Variants in MYO7B observed in about 807,000 individuals in gnomAD.
MYO7B encodes myosin VIIB, also known as unconventional myosin-VIIb.
MYO7B carries 212 observed loss-of-function variants against 259.7 expected under a neutral mutation model. The ratio of observed to expected loss-of-function variants is 0.82; its 90% CI spans 0.73 to 0.91. The LOEUF (loss-of-function observed/expected upper bound fraction) is 0.91. Ranked by LOEUF, MYO7B falls within the 40% of genes least tolerant of loss-of-function variation. The probability of loss-of-function intolerance (pLI) is 0.00; values close to 1 mark genes in which losing one functional copy is unlikely to be tolerated. For missense variants in MYO7B, 2,732 were observed against 2,813.5 expected, an observed-to-expected ratio of 0.97 and a Z score of 0.66; for synonymous variants, 1,197 against 1,166.4, an observed-to-expected ratio of 1.03 and a Z score of -0.54.
At chr2:127,575,458 T>C (rs997870030) in intron 7 of MYO7B, among the ~76,000 whole-genome samples, 1 of 151,860 alleles carries the variant, frequency 6.6e-6, no homozygotes, top group African/African-American at 2.4e-5. Context: ...AATTACGGCA[T>C]ATCTATACTA....
At position 127,607,177 on chromosome 2, in the gene MYO7B, CT is replaced by C. The variant is rs1558830916; in HGVS notation, c.2425-28del. On this transcript the variant is annotated intron_variant, in intron 20 of 47. Transcript: ENST00000409816. This position sits in a 1 kb window ranked among gnomAD's most constrained non-coding sequence, Gnocchi z 4.4. ...TTTCCTGGGGAAGGCCTTCTTGCCC[CT>C]GATCTCACCTCTCTCTTGCCTCCGC... 2 of 1,532,132 alleles carry C rather than the reference CT, an allele frequency of 1.3e-6. No individual in the cohort carries two copies. Among genetic ancestry groups the C allele is most frequent in the African/African-American group, 2.8e-5 (2 of 72,694 alleles). 94.9% of individuals were successfully genotyped at this position (1,532,132 alleles called of 1,614,324 possible). A position where few individuals can be genotyped will look rare whatever the true frequency, so the allele number is the denominator to read the frequency against.
intron 27 of MYO7B, among the ~76,000 whole-genome samples, chr2:127,621,310 C>T (rs544906476): frequency 4.4e-4 from 65 of 146,320 alleles, no homozygotes; most frequent in Admixed American, 4.1e-3. Context: ...GTCGCCCAGG[C>T]CAGAGTGCAG....
chr2:127,600,744 C>A (rs1244362465), intron 19 of MYO7B, among the ~76,000 whole-genome samples: 1 of 152,162 alleles, frequency 6.6e-6, no homozygotes, highest in East Asian at 1.9e-4. Context: ...AAAAAACATT[C>A]TTGTCCTTTT....
intron 6 of MYO7B, among the ~76,000 whole-genome samples, chr2:127,571,801 G>A (rs915902694): frequency 2.6e-5 from 4 of 152,196 alleles, no homozygotes; most frequent in South Asian, 4.1e-4. Flanking sequence ...TTAAGAGTTC[G>A]TTCTGTGTTC....
At chr2:127,629,902 G>A in intron 35 of MYO7B, 76 bp downstream of exon 35, 1 of 1,419,410 alleles carries the variant, frequency 7.0e-7, no homozygotes, top group South Asian at 1.6e-5. Flanking sequence ...GCCTAGTTGG[G>A]AGGCCTAGCT....
intron 12 of MYO7B, 140 bp downstream of exon 12, chr2:127,582,586 TG>T: frequency 9.8e-7 from 1 of 1,023,632 alleles, no homozygotes; most frequent in Non-Finnish European, 1.4e-6. Context: ...GTGCTCTGCA[TG>T]GGGTGGCTGC....
At position 127,636,480 on chromosome 2, in the gene MYO7B, A is replaced by G. The variant is rs1280908162; in HGVS notation, c.6124-65A>G. The G allele has an allele frequency of 6.6e-7, 1 of 1,512,460 alleles. No homozygotes were observed. The highest frequency in any genetic ancestry group is 9.1e-7 in the Non-Finnish European group (1 of 1,104,238). 93.7% of individuals were successfully genotyped at this position (1,512,460 alleles called of 1,614,324 possible). ...TGTGTATGTGCGTGTGGCCTAGATG[A>G]GCTCCTGGGAGGTGCAGCCTGGCCT... On this transcript the variant is annotated intron_variant, in intron 45 of 47. Transcript: ENST00000409816. This position sits in a 1 kb window ranked among gnomAD's most constrained non-coding sequence, Gnocchi z 4.5.
chr2:127,584,943 C>T lies in MYO7B; in HGVS notation c.1690+30C>T. The stretch of plus-strand genomic sequence containing the variant: ...GTGCAGCTCTCCTCTCATGTCCCTT[C>T]CAAATCTGGACCGGGTTCCAGGGAG... On this transcript the variant is annotated intron_variant, in intron 14 of 47. Coordinates refer to ENST00000409816, the MANE Select transcript of MYO7B (RefSeq NM_001393586.1). The surrounding 1 kb of genome is among the most constrained non-coding windows in gnomAD (Gnocchi z 5.8). 6.2e-7 allele frequency: 1 copy of T among 1,611,720 alleles called. No individual in the cohort carries two copies. The highest frequency in any genetic ancestry group is 8.5e-7 in the Non-Finnish European group (1 of 1,178,584).
rs759078994 is a variant in MYO7B at position 127,624,180 on chromosome 2, C to T, written c.3907C>T (p.Arg1303Cys). The T allele has an allele frequency of 4.1e-5, 66 of 1,597,112 alleles. No individual in the cohort carries two copies. Among genetic ancestry groups the T allele is most frequent in the African/African-American group, 9.4e-5 (7 of 74,676 alleles). Residue 1303 changes from arginine to cysteine, a missense_variant, in exon 30 of 48, where the codon CGC becomes TGC. Physicochemically the swap from Arg to Cys is radical, Grantham distance 180. This residue lies in a region of MYO7B where 1,906 missense variants were observed against 2,026.4 expected (regional missense o/e 0.94). Transcript: ENST00000409816. The part of the protein sequence containing the change: ...QMAQERGESQ[R>C]QSPWRIYFRK... ...GGCCCAGGAGAGGGGCGAGAGCCAG[C>T]GCCAGTCACCCTGGCGCATCTACTT... is the stretch of plus-strand genomic sequence containing the variant.
In MYO7B at chr2:127,574,149, C is replaced by T. The variant is rs549482864; in HGVS notation, c.735+87C>T. The T allele has an allele frequency of 1.2e-4, 180 of 1,535,064 alleles. No homozygotes were observed. In the South Asian group the frequency reaches 1.9e-3, roughly 16 times the overall value. The stretch of plus-strand genomic sequence containing the variant: ...CCCTTTCCCACTCTCACCTCTCCTC[C>T]CCTCTTCCCCAAGGGCCCTCCCAGA... On this transcript the variant is annotated intron_variant, in intron 7 of 47. Transcript: ENST00000409816.
At chr2:127,637,194 C>T (rs749003632) in intron 47 of MYO7B, 122 bp from the exon 48 acceptor site, 21 of 912,618 alleles carry the variant, frequency 2.3e-5, no homozygotes, top group Admixed American at 8.0e-5. Flanking sequence ...GGCAGGAGCC[C>T]GCCTTCCCTT....
At position 127,624,374 on chromosome 2, in the gene MYO7B, C is replaced by T. The variant is rs1171448052; in HGVS notation, c.4047+54C>T. 3.3e-6 allele frequency: 5 copies of T among 1,492,750 alleles called. No individual in the cohort carries two copies. In the East Asian group the frequency reaches 1.2e-4, roughly 37 times the overall value. 92.5% of individuals were successfully genotyped at this position (1,492,750 alleles called of 1,614,324 possible). A position where few individuals can be genotyped will look rare whatever the true frequency, so the allele number is the denominator to read the frequency against. On this transcript the variant is annotated intron_variant, in intron 30 of 47. Transcript: ENST00000409816. ...TAGGCTTTGCCATCAGGAAACATCC[C>T]ATAGAGGAGGCACCCAACTGGCTTC...
chr2:127,610,385 G>A (rs1451938555), intron 24 of MYO7B, among the ~76,000 whole-genome samples: 1 of 152,098 alleles, frequency 6.6e-6, no homozygotes, highest in Non-Finnish European at 1.5e-5. Flanking sequence ...TTCCCAGGTG[G>A]GCCAACCCTA....
In MYO7B at chr2:127,590,060, G is replaced by T; in HGVS notation, c.1855-32G>T. 1 of 1,555,112 alleles carries T rather than the reference G, an allele frequency of 6.4e-7. No homozygotes were observed. Among genetic ancestry groups the T allele is most frequent in the South Asian group, 1.2e-5 (1 of 84,390 alleles). On this transcript the variant is annotated intron_variant, in intron 15 of 47. Transcript: ENST00000409816. This position sits in a 1 kb window ranked among gnomAD's most constrained non-coding sequence, Gnocchi z 4.6. ...AGCTGTCCCAGGACATGGCTCCTGA[G>T]ACCCACTTGTGCTCTGTGCTTCCAT...
rs1449798223 is a variant in MYO7B at position 127,593,947 on chromosome 2, C to A, written c.2244+303C>A. 2.0e-5 allele frequency among the ~76,000 whole-genome samples: 3 copies of A among 152,234 alleles called. 1 individual carries two copies. Among genetic ancestry groups the A allele is most frequent in the Non-Finnish European group, 4.4e-5 (3 of 68,034 alleles). ...GAGGAGGCGCCTTCCAGCCACAGGG[C>A]AGCACCCAGGAGCTCAGGGCGGTCT... On this transcript the variant is annotated intron_variant, in intron 18 of 47. Transcript: ENST00000409816.
Position 127,607,328 on chromosome 2 carries a change from C to T in MYO7B, c.2547C>T (p.Arg849=). 6.4e-7 allele frequency: 1 copy of T among 1,551,412 alleles called. No homozygotes were observed. The highest frequency in any genetic ancestry group is 8.7e-7 in the Non-Finnish European group (1 of 1,146,880). Residue 849 remains arginine, a synonymous_variant, in exon 21 of 48, where the codon CGC becomes CGT. Coordinates refer to ENST00000409816, the MANE Select transcript of MYO7B (RefSeq NM_001393586.1). This position sits in a 1 kb window ranked among gnomAD's most constrained non-coding sequence, Gnocchi z 4.4. Reference sequence around the variant, plus strand: ...CCCTGTGCAGGGGATACCTGGTGCGCCAGCAAGTCCAGGCCAAGAGGAGGG... The same window carrying T: ...CCCTGTGCAGGGGATACCTGGTGCGTCAGCAAGTCCAGGCCAAGAGGAGGG... ...LQALCRGYLV[R]QQVQAKRRAV...
chr2:127,592,800 G>A lies in MYO7B; in HGVS notation c.1999G>A (p.Asp667Asn), dbSNP rs1406541230. 1.2e-6 allele frequency: 2 copies of A among 1,609,820 alleles called. No homozygotes were observed. Among genetic ancestry groups the A allele is most frequent in the East Asian group, 4.5e-5 (2 of 44,738 alleles). The change falls in exon 17 of 48, where the codon GAC becomes AAC. Residue 667 changes from aspartate (D) to asparagine (N), a missense_variant. Asp to Asn is a conservative substitution (Grantham distance 23). Around this residue, in one of 3 missense-constraint regions of MYO7B, gnomAD observed 1,906 missense variants for 2,026.4 expected, o/e 0.94. Transcript: ENST00000409816. Reference protein sequence around the residue: ...PNEYKKPLLFDRELCLRQLRY... With the variant: ...PNEYKKPLLFNRELCLRQLRY... Reference sequence around the variant, plus strand: ...GCCCGGTGTCCGCCCACAGCTGTTCGACCGGGAGCTGTGCCTGCGGCAGCT... The same window carrying A: ...GCCCGGTGTCCGCCCACAGCTGTTCAACCGGGAGCTGTGCCTGCGGCAGCT...
At position 127,576,340 on chromosome 2, in the gene MYO7B, C is replaced by G. The variant is rs1678864009; in HGVS notation, c.736-255C>G. ...ACTCCTGGCCTGGAGACTTTGGGCA[C>G]AGCAGTGTCAGGGCTTCGAGGAGCA... On this transcript the variant is annotated intron_variant, in intron 7 of 47. Transcript: ENST00000409816. The surrounding 1 kb of genome is among the most constrained non-coding windows in gnomAD (Gnocchi z 4.9). Among the ~76,000 whole-genome samples, 1 of 152,210 alleles carries G rather than the reference C, an allele frequency of 6.6e-6. No homozygotes were observed. The highest frequency in any genetic ancestry group is 2.1e-4 in the South Asian group (1 of 4,836).
intron 10 of MYO7B, 60 bp downstream of exon 10, chr2:127,580,882 C>T (rs2104931629): frequency 6.7e-7 from 1 of 1,488,880 alleles, no homozygotes; most frequent in Non-Finnish European, 9.3e-7. Context: ...CCTGGGCTGA[C>T]AGACCCCTGA....
Sources: gnomAD v4.1 joint callset for allele counts (sites outside exome capture counted in the v4.1 genomes callset) on GRCh38, gnomAD v4.1.1 for gene constraint, gnomAD v4.1.1 regional missense constraint, Gnocchi (gnomAD v3.1) non-coding constraint, MANE v1.5 for transcripts, NCBI Gene and HGNC (gene_info 2026-07-23, HGNC 2026-07-21) for gene names.